Variants in PSIP1 observed in about 807,000 individuals in gnomAD.
PSIP1 encodes PC4 and SFRS1-interacting protein.
PSIP1 carries 19 observed loss-of-function variants against 74.7 expected under a neutral mutation model. That is an observed-to-expected ratio of 0.25 (90% confidence interval 0.18 to 0.37). PSIP1 has a LOEUF of 0.37. Among genes scored for constraint, PSIP1 ranks in the 10% least tolerant of loss-of-function variants. PSIP1 has a pLI of 1.00. For synonymous variants in PSIP1, 222 were observed against 195.3 expected (o/e 1.14, Z -1.14); for missense variants, 601 against 614.3 (o/e 0.98, Z 0.23).
intron 4 of PSIP1, among the ~76,000 whole-genome samples, chr9:15,488,145 A>G (rs971891402): frequency 6.6e-6 from 1 of 150,846 alleles, no homozygotes. Context: ...CCTGGCCAAG[A>G]TGGTGAAACC....
intron 3 of PSIP1, among the ~76,000 whole-genome samples, chr9:15,496,058 G>A (rs1004246965): frequency 3.3e-5 from 5 of 152,196 alleles, no homozygotes; most frequent in African/African-American, 1.2e-4. Flanking sequence ...ATCCGACTGT[G>A]CATGATTTTG....
At position 15,486,883 on chromosome 9, in the gene PSIP1, TTTC is replaced by T. The variant is rs762691462; in HGVS notation, c.334_336del (p.Glu112del). ...TCTTCCTTTGAAACACTAGTTTCCT[TTTC>T]TTCAACTTCAACATCAGATGATGCA... On this transcript the variant is annotated inframe_deletion, in exon 5 of 16. Transcript: ENST00000380733. 3.1e-6 allele frequency: 5 copies of T among 1,612,662 alleles called. No homozygotes were observed. Among genetic ancestry groups the T allele is most frequent in the Non-Finnish European group, 4.2e-6 (5 of 1,179,408 alleles).
chr9:15,473,987 T>C (rs778337791), intron 9 of PSIP1, 22 bp downstream of exon 9: 1 of 1,548,548 alleles, frequency 6.5e-7, no homozygotes, highest in Admixed American at 1.8e-5. Flanking sequence ...GAACAGCCAT[T>C]TTATATATGT....
intron 3 of PSIP1, among the ~76,000 whole-genome samples, chr9:15,491,132 A>T (rs944490652): frequency 6.6e-6 from 1 of 152,216 alleles, no homozygotes; most frequent in African/African-American, 2.4e-5. Context: ...ACAGACTGCT[A>T]ACTCATTAAC....
chr9:15,488,601 C>T (rs985568036), intron 4 of PSIP1, among the ~76,000 whole-genome samples: 10 of 151,914 alleles, frequency 6.6e-5, no homozygotes, highest in Non-Finnish European at 1.0e-4. Context: ...AGAGTGCAAT[C>T]GACAATATAA....
chr9:15,478,127 TAAA>T (rs570873100), intron 8 of PSIP1, among the ~76,000 whole-genome samples: 9 of 108,204 alleles, frequency 8.3e-5, no homozygotes, highest in African/African-American at 1.3e-4. Context: ...ACCCCATCTT[TAAA>T]AAAAAAAAAA....
intron 3 of PSIP1, among the ~76,000 whole-genome samples, chr9:15,502,157 A>C (rs953262998): frequency 6.6e-6 from 1 of 151,818 alleles, no homozygotes; most frequent in Non-Finnish European, 1.5e-5. Flanking sequence ...ATCCCCCCAA[A>C]CCCCCGTGGA....
In PSIP1 at chr9:15,472,641, T is replaced by G. The variant is rs755383902; in HGVS notation, c.968A>C (p.Glu323Ala). The change falls in exon 10 of 16, where the codon GAA (glutamate) becomes GCA (alanine). Residue 323 changes from glutamate (E) to alanine (A), a missense_variant. Glu to Ala is a moderately radical substitution (Grantham distance 107). Around this residue, in one of 2 missense-constraint regions of PSIP1, gnomAD observed 538 missense variants for 507.6 expected, o/e 1.06. Coordinates refer to ENST00000380733, the MANE Select transcript of PSIP1 (RefSeq NM_033222.5). ...AAAAAAAAATACTTACTGCTCAGTT[T>G]CCATTTGTTCCTCTTGCTTGCGTTT... ...DRKRKQEEQM[E>A]TEQQNKDEGK... 6.3e-7 allele frequency: 1 copy of G among 1,595,718 alleles called. No homozygotes were observed. The highest frequency in any genetic ancestry group is 1.4e-5 in the African/African-American group (1 of 73,410).
intron 12 of PSIP1, 68 bp downstream of exon 12, chr9:15,469,195 GATC>G: frequency 7.6e-7 from 1 of 1,321,596 alleles, no homozygotes; most frequent in South Asian, 1.3e-5. Flanking sequence ...ATACTCATAA[GATC>G]ATGTGAGAAA....
intron 3 of PSIP1, chr9:15,505,100 G>A (rs1321684592): frequency 3.3e-5 from 5 of 151,694 alleles, no homozygotes; most frequent in East Asian, 1.9e-4. Flanking sequence ...CACCACAAAC[G>A]GCTAATTTTT....
chr9:15,499,638 C>T (rs1379611288), intron 3 of PSIP1, among the ~76,000 whole-genome samples: 1 of 152,112 alleles, frequency 6.6e-6, no homozygotes. Context: ...CTTTAGGAGG[C>T]TGAGGTGGGA....
intron 8 of PSIP1, among the ~76,000 whole-genome samples, chr9:15,476,819 TGA>T (rs2036106669): frequency 1.3e-5 from 2 of 152,004 alleles, no homozygotes; most frequent in Non-Finnish European, 2.9e-5. Context: ...AGAAAGTAAG[TGA>T]GATGAGGATA....
Position 15,465,059 on chromosome 9 carries a change from A to C in PSIP1, c.*461T>G. 1 of 225,484 alleles carries C rather than the reference A, an allele frequency of 4.4e-6. No homozygotes were observed. Among genetic ancestry groups the C allele is most frequent in the East Asian group, 6.6e-5 (1 of 15,178 alleles). The allele number at this position is 225,484 out of a possible 1,614,324, so 14.0% of individuals were successfully genotyped here. On this transcript the variant is annotated 3_prime_UTR_variant, in exon 16 of 16. Transcript: ENST00000380733. ...CTTGTATAGAAGTAACATTTTATCT[A>C]CCATAAAAATGTGTAACTTCTACAA...
At chr9:15,478,994 A>G (rs2036219946) in intron 7 of PSIP1, among the ~76,000 whole-genome samples, 2 of 152,076 alleles carry the variant, frequency 1.3e-5, no homozygotes. Context: ...ACTCCAAAAT[A>G]TATAAATAAA....
At chr9:15,483,422 C>T (rs924847972) in intron 6 of PSIP1, among the ~76,000 whole-genome samples, 3 of 150,896 alleles carry the variant, frequency 2.0e-5, no homozygotes, top group South Asian at 4.2e-4. Flanking sequence ...TAAATCCCAT[C>T]TCTCGTCTAC....
At chr9:15,471,508 C>A (rs536957674) in intron 10 of PSIP1, 1 of 976,090 alleles carries the variant, frequency 1.0e-6, no homozygotes, top group East Asian at 1.1e-4. Flanking sequence ...ACAATAAAGT[C>A]AAAAGCAACA....
intron 9 of PSIP1, among the ~76,000 whole-genome samples, 169 bp from the exon 10 acceptor site, chr9:15,472,919 CT>C (rs2035902882): frequency 6.6e-6 from 1 of 152,190 alleles, no homozygotes; most frequent in African/African-American, 2.4e-5. Flanking sequence ...GCAAGTTTAA[CT>C]TTGATTAATG....
In PSIP1 at chr9:15,464,212, A is replaced by G. The variant is rs562283276; in HGVS notation, c.*1308T>C. 1 of 190,964 alleles carries G rather than the reference A, an allele frequency of 5.2e-6. No homozygotes were observed. Among genetic ancestry groups the G allele is most frequent in the South Asian group, 1.9e-4 (1 of 5,138 alleles). 11.8% of individuals were successfully genotyped at this position (190,964 alleles called of 1,614,324 possible). ...AGGTTCTCTCAAAACGGTGATTCCT[A>G]GTTCCATTATAAGACCTCTTTAAAA... On this transcript the variant is annotated 3_prime_UTR_variant, in exon 16 of 16. Transcript: ENST00000380733.
At chr9:15,468,287 G>A (rs923967962) in intron 14 of PSIP1, 7 of 548,442 alleles carry the variant, frequency 1.3e-5, no homozygotes, top group African/African-American at 1.1e-4. Flanking sequence ...TTACTTTTTA[G>A]GTGAGAAGAA....
Sources: gnomAD v4.1 joint callset for allele counts (sites outside exome capture counted in the v4.1 genomes callset) on GRCh38, gnomAD v4.1.1 for gene constraint, gnomAD v4.1.1 regional missense constraint, MANE v1.5 for transcripts, NCBI Gene and HGNC (gene_info 2026-07-23, HGNC 2026-07-21) for gene names.